Variants in ZNF385B observed in about 807,000 individuals in gnomAD.
The protein encoded by ZNF385B is zinc finger protein 533.
A neutral mutation model predicts 39.2 loss-of-function variants in ZNF385B; 23 were observed. That is an observed-to-expected ratio of 0.59 (90% CI 0.42 to 0.83). ZNF385B has a LOEUF of 0.83. Ranked by LOEUF, ZNF385B falls within the 40% of genes least tolerant of loss-of-function variation. The pLI is 0.00. For synonymous variants in ZNF385B, 205 were observed against 222.6 expected, an observed-to-expected ratio of 0.92 and a Z score of 0.70; for missense variants, 552 against 598.9, an observed-to-expected ratio of 0.92 and a Z score of 0.82.
At position 179,861,599 on chromosome 2, in the gene ZNF385B, C is replaced by T. The variant is rs1207767965; in HGVS notation, c.-653G>A. On this transcript the variant is annotated 5_prime_UTR_variant, in exon 1 of 10. Coordinates refer to ENST00000410066, the MANE Select transcript of ZNF385B (RefSeq NM_152520.6). ...GGAATGAGGCGGAACCGTTCGGGGG[C>T]TCGTTGACACTGCAGAGCCTCCCGC... is the stretch of plus-strand genomic sequence containing the variant. 1 of 152,244 alleles carries T rather than the reference C, an allele frequency of 6.6e-6. No individual in the cohort carries two copies. The highest frequency in any genetic ancestry group is 1.9e-4 in the East Asian group (1 of 5,172). The allele number at this position is 152,244 out of a possible 1,614,324, so 9.4% of individuals were successfully genotyped here.
intron 3 of ZNF385B, among the ~76,000 whole-genome samples, chr2:179,591,956 T>C (rs543039465): frequency 6.6e-6 from 1 of 152,230 alleles, no homozygotes; most frequent in South Asian, 2.1e-4. Flanking sequence ...GCCCAGAGCA[T>C]GCCCTATATA....
intron 3 of ZNF385B, among the ~76,000 whole-genome samples, chr2:179,676,019 C>A (rs1294716952): frequency 6.6e-6 from 1 of 150,476 alleles, no homozygotes. Flanking sequence ...GAACTCCTGA[C>A]CTCGTGATTG....
chr2:179,726,499 A>G (rs1171461345), intron 3 of ZNF385B, among the ~76,000 whole-genome samples: 1 of 152,096 alleles, frequency 6.6e-6, no homozygotes, highest in Non-Finnish European at 1.5e-5. Flanking sequence ...TTAGTACTAT[A>G]CTGAAGCAAT....
intron 3 of ZNF385B, among the ~76,000 whole-genome samples, chr2:179,612,017 T>C (rs901694423): frequency 1.3e-5 from 2 of 152,212 alleles, no homozygotes; most frequent in African/African-American, 2.4e-5. Flanking sequence ...GAGATTCTGA[T>C]AAATACTGCA....
At chr2:179,817,776 T>C (rs1420066082) in intron 1 of ZNF385B, among the ~76,000 whole-genome samples, 1 of 152,050 alleles carries the variant, frequency 6.6e-6, no homozygotes, top group African/African-American at 2.4e-5. Context: ...AGCTTGAGCA[T>C]GTGCATGTGT....
intron 3 of ZNF385B, among the ~76,000 whole-genome samples, chr2:179,717,164 A>G (rs1169520501): frequency 6.6e-6 from 1 of 152,210 alleles, no homozygotes; most frequent in Non-Finnish European, 1.5e-5. Context: ...AAAAGTAGAA[A>G]TGTTTATATA....
intron 3 of ZNF385B, among the ~76,000 whole-genome samples, chr2:179,553,185 T>C (rs1191287985): frequency 6.7e-6 from 1 of 149,226 alleles, no homozygotes; most frequent in East Asian, 1.9e-4. Flanking sequence ...TTTAAAATAC[T>C]GGACCTCCAA....
intron 1 of ZNF385B, among the ~76,000 whole-genome samples, chr2:179,807,008 G>A (rs1274372756): frequency 6.6e-6 from 1 of 152,176 alleles, no homozygotes; most frequent in Non-Finnish European, 1.5e-5. Flanking sequence ...AACACTATCA[G>A]GAGGCATTCG....
intron 3 of ZNF385B, among the ~76,000 whole-genome samples, chr2:179,640,255 G>C (rs1336389722): frequency 6.6e-6 from 1 of 152,098 alleles, no homozygotes; most frequent in Non-Finnish European, 1.5e-5. Flanking sequence ...AAAACGGCAG[G>C]CTATATAGTA....
In ZNF385B at chr2:179,780,241, G is replaced by GTTCAT. The variant is rs1575477864; in HGVS notation, c.-154-9570_-154-9569insATGAA. Among the ~76,000 whole-genome samples the GTTCAT allele has an allele frequency of 9.2e-5, 14 of 152,294 alleles. No individual in the cohort carries two copies. The East Asian group carries it at 2.7e-3, about 29-fold the overall frequency. On this transcript the variant is annotated intron_variant, in intron 1 of 9. Transcript: ENST00000410066. ...GCTTCATGTTAGAGAATGAACAGCA[G>GTTCAT]TACTTCCAGGGTCTCCTTAGCCCCT...
At chr2:179,527,985 G>A (rs76751450) in intron 4 of ZNF385B, among the ~76,000 whole-genome samples, 1 of 94,636 alleles carries the variant, frequency 1.1e-5, no homozygotes, top group African/African-American at 5.4e-5. Flanking sequence ...TATTTTACCA[G>A]GAAAATTTTT....
chr2:179,584,356 G>T (rs1686860237), intron 3 of ZNF385B, among the ~76,000 whole-genome samples: 1 of 152,026 alleles, frequency 6.6e-6, no homozygotes, highest in Admixed American at 6.6e-5. Context: ...AAGCCACTGA[G>T]AACTGCTGCA....
intron 3 of ZNF385B, among the ~76,000 whole-genome samples, chr2:179,627,316 C>A (rs1690747363): frequency 6.6e-6 from 1 of 152,102 alleles, no homozygotes; most frequent in Non-Finnish European, 1.5e-5. Context: ...TCTATTTTAA[C>A]CTGAAGAGAA....
At chr2:179,698,881 A>G (rs1698962558) in intron 3 of ZNF385B, among the ~76,000 whole-genome samples, 1 of 152,224 alleles carries the variant, frequency 6.6e-6, no homozygotes. Flanking sequence ...AATAAAATCA[A>G]AAGATCATCT....
At chr2:179,728,533 T>C (rs1701168991) in intron 3 of ZNF385B, among the ~76,000 whole-genome samples, 1 of 152,126 alleles carries the variant, frequency 6.6e-6, no homozygotes, top group African/African-American at 2.4e-5. Flanking sequence ...GAGCAGTGAG[T>C]GTGAAAAATA....
At chr2:179,463,967 A>G (rs1382084119) in intron 6 of ZNF385B, among the ~76,000 whole-genome samples, 1 of 152,184 alleles carries the variant, frequency 6.6e-6, no homozygotes, top group Non-Finnish European at 1.5e-5. Flanking sequence ...ACTCCCACCA[A>G]CAGTGTAAAA....
chr2:179,444,483 T>TA (rs1280632642), intron 9 of ZNF385B, among the ~76,000 whole-genome samples: 1 of 152,078 alleles, frequency 6.6e-6, no homozygotes, highest in African/African-American at 2.4e-5. Flanking sequence ...ATAATAATAA[T>TA]AAAAAACAGA....
At chr2:179,741,925 G>A (rs1343976212) in intron 3 of ZNF385B, among the ~76,000 whole-genome samples, 1 of 151,776 alleles carries the variant, frequency 6.6e-6, no homozygotes, top group African/African-American at 2.4e-5. Context: ...CAGATGAACG[G>A]GTAGGGGAGA....
At chr2:179,799,598 C>G (rs1474939899) in intron 1 of ZNF385B, among the ~76,000 whole-genome samples, 3 of 152,002 alleles carry the variant, frequency 2.0e-5, no homozygotes, top group Non-Finnish European at 4.4e-5. Flanking sequence ...GAAATCTTAG[C>G]TAAACTGCTA....
Sources: allele counts gnomAD v4.1 joint callset (sites outside exome capture counted in the v4.1 genomes callset), GRCh38; gene constraint gnomAD v4.1.1; transcripts MANE v1.5; gene names NCBI Gene and HGNC (gene_info 2026-07-23, HGNC 2026-07-21).